The following ANO3 variants were observed in gnomAD, a reference collection of about 807,000 sequenced individuals.
ANO3 encodes the protein anoctamin-3.
ANO3 carries 99 observed loss-of-function variants against 144.8 expected under a neutral mutation model. That is an observed-to-expected ratio of 0.68 (90% CI 0.58 to 0.81). The LOEUF is 0.81. ANO3 is among the 30% of genes least tolerant of loss of function. The pLI, the probability that ANO3 is intolerant of heterozygous loss-of-function variation, is 0.00. For synonymous variants in ANO3, 414 were observed against 392.6 expected (o/e 1.05, Z -0.64); for missense variants, 905 against 1,202.2 (o/e 0.75, Z 3.66).
chr11:26,370,117 G>A (rs1461374), intron 1 of ANO3, among the ~76,000 whole-genome samples: 40,647 of 152,062 alleles, frequency 0.27, 6,103 homozygotes, highest in African/African-American at 0.41. Context: ...CCCATATCTA[G>A]TCTTGAATTG....
intron 4 of ANO3, among the ~76,000 whole-genome samples, chr11:26,499,518 T>A (rs1325512392): frequency 1.1e-5 from 1 of 93,818 alleles, no homozygotes; most frequent in South Asian, 3.2e-4. Flanking sequence ...TTAAATTAAC[T>A]TATTTTTTTA....
At chr11:26,271,151 GT>G (rs1304438537) in intron 1 of ANO3, among the ~76,000 whole-genome samples, 1 of 152,210 alleles carries the variant, frequency 6.6e-6, no homozygotes, top group African/African-American at 2.4e-5. Context: ...GTGACAGATC[GT>G]TTTCAAGAGA....
intron 1 of ANO3, among the ~76,000 whole-genome samples, chr11:26,434,667 C>G (rs7950023): frequency 0.89 from 134,787 of 152,202 alleles, 60,194 homozygotes; most frequent in East Asian, 1. Context: ...TGATATCTGC[C>G]TTAATTTCAC....
intron 14 of ANO3, among the ~76,000 whole-genome samples, chr11:26,586,851 GAT>G (rs1359498780): frequency 1.3e-5 from 2 of 151,774 alleles, no homozygotes; most frequent in African/African-American, 4.8e-5. Flanking sequence ...GAGACCACCT[GAT>G]CCAGCCAGGA....
intron 1 of ANO3, among the ~76,000 whole-genome samples, chr11:26,338,661 C>A (rs564981829): frequency 6.6e-5 from 10 of 152,298 alleles, no homozygotes; most frequent in Admixed American, 1.3e-4. Flanking sequence ...CGAGGGTCTC[C>A]AGCTTCATTC....
At chr11:26,285,097 A>AT (rs60725629) in intron 1 of ANO3, among the ~76,000 whole-genome samples, 1,590 of 149,404 alleles carry the variant, frequency 0.011, 19 homozygotes, top group African/African-American at 0.027. Context: ...ACTGTGTACA[A>AT]TTTTTTTTTT....
intron 1 of ANO3, among the ~76,000 whole-genome samples, chr11:26,355,814 C>T (rs1855767503): frequency 6.6e-6 from 1 of 152,130 alleles, no homozygotes; most frequent in Non-Finnish European, 1.5e-5. Flanking sequence ...TCCGCCTTGG[C>T]CTCCCAAAGT....
intron 1 of ANO3, among the ~76,000 whole-genome samples, chr11:26,319,707 GC>G (rs1854713309): frequency 3.3e-5 from 5 of 152,054 alleles, no homozygotes; most frequent in Admixed American, 3.3e-4. Context: ...AATGAGAAAA[GC>G]TTTTAAAGAT....
chr11:26,625,196 A>AT (rs1274962698), intron 18 of ANO3, among the ~76,000 whole-genome samples: 4 of 152,184 alleles, frequency 2.6e-5, no homozygotes, highest in African/African-American at 7.2e-5. Context: ...AAATGCTGGG[A>AT]TTACAGGCGT....
intron 4 of ANO3, among the ~76,000 whole-genome samples, chr11:26,465,124 T>TTGTGTGTG (rs36230269): frequency 5.2e-4 from 76 of 145,400 alleles, no homozygotes; most frequent in African/African-American, 7.7e-4. Flanking sequence ...CATCATTAAA[T>TTGTGTGTG]TGTGTGTGTG....
intron 1 of ANO3, among the ~76,000 whole-genome samples, chr11:26,419,042 G>A (rs1279823456): frequency 1.3e-5 from 2 of 152,130 alleles, no homozygotes; most frequent in South Asian, 2.1e-4. Context: ...TTGTTCTGCA[G>A]GCTGTACAGA....
rs1201494889 is a variant in ANO3, at chr11:26,530,332, C to A, written c.738-873C>A. 2.0e-5 allele frequency among the ~76,000 whole-genome samples: 3 copies of A among 152,226 alleles called. 1 individual carries two copies. In the South Asian group the frequency reaches 6.2e-4, roughly 32 times the overall value. ...CTTTAAAATTTTGCTGTCTACCACA[C>A]TTATGACTTCCAGTGCCACTAAATG... On this transcript the variant is annotated intron_variant, in intron 7 of 26. Coordinates refer to ENST00000256737, the MANE Select transcript of ANO3 (RefSeq NM_031418.4).
intron 1 of ANO3, among the ~76,000 whole-genome samples, chr11:26,353,391 A>G (rs924858410): frequency 5.9e-5 from 9 of 152,128 alleles, no homozygotes; most frequent in East Asian, 3.9e-4. Flanking sequence ...AGCTATTTCA[A>G]TAGTTTCCTT....
At chr11:26,254,001 G>A (rs749886544) in intron 1 of ANO3, among the ~76,000 whole-genome samples, 1 of 152,166 alleles carries the variant, frequency 6.6e-6, no homozygotes, top group Non-Finnish European at 1.5e-5. Flanking sequence ...AACATGTGAT[G>A]CTAACCAAGC....
chr11:26,324,869 G>A (rs1854845948), intron 1 of ANO3, among the ~76,000 whole-genome samples: 2 of 152,110 alleles, frequency 1.3e-5, no homozygotes, highest in East Asian at 1.9e-4. Context: ...GGGTGATCAC[G>A]TATTAAATAC....
At chr11:26,407,285 C>T (rs368752717) in intron 1 of ANO3, among the ~76,000 whole-genome samples, 286 of 151,312 alleles carry the variant, frequency 1.9e-3, no homozygotes, top group African/African-American at 6.5e-3. Context: ...TCAGCTCTAC[C>T]CTTTGAAAAT....
At position 26,551,671 on chromosome 11, in the gene ANO3, A is replaced by C. The variant is rs191356705; in HGVS notation, c.1290-1578A>C. On this transcript the variant is annotated intron_variant, in intron 12 of 26. Transcript: ENST00000256737. ...TTTTAGTATAAGATTCTAAAGCAGGACAAATTGTATCATTTGTGAAACAAT... is the reference window on the plus strand; with the variant it reads ...TTTTAGTATAAGATTCTAAAGCAGGCCAAATTGTATCATTTGTGAAACAAT... 1.6e-3 allele frequency among the ~76,000 whole-genome samples: 244 copies of C among 152,164 alleles called. 7 individuals are homozygous for C. The highest frequency in any genetic ancestry group is 0.013 in the Admixed American group (195 of 15,258).
At chr11:26,513,003 A>T (rs1861725740) in intron 5 of ANO3, among the ~76,000 whole-genome samples, 1 of 152,222 alleles carries the variant, frequency 6.6e-6, no homozygotes, top group Admixed American at 6.5e-5. Context: ...AGGGATACAT[A>T]AGCAAAACAA....
At chr11:26,564,761 A>G (rs1291406637) in intron 14 of ANO3, among the ~76,000 whole-genome samples, 4 of 94,728 alleles carry the variant, frequency 4.2e-5, no homozygotes, top group Non-Finnish European at 8.2e-5. Flanking sequence ...ATATATATAT[A>G]TATATATATA....
Sources: gnomAD v4.1 joint callset for allele counts (sites outside exome capture counted in the v4.1 genomes callset) on GRCh38, gnomAD v4.1.1 for gene constraint, MANE v1.5 for transcripts, NCBI Gene and HGNC (gene_info 2026-07-23, HGNC 2026-07-21) for gene names.